Variants in FAM83B observed in about 807,000 individuals in gnomAD.
The protein encoded by FAM83B is protein FAM83B.
FAM83B carries 26 observed loss-of-function variants against 38.8 expected under a neutral mutation model. The observed-to-expected ratio is 0.67, with a 90% CI of 0.49 to 0.93. FAM83B has a LOEUF of 0.93. FAM83B is among the 40% of genes least tolerant of loss of function. The pLI is 0.00. For synonymous variants in FAM83B, 419 were observed against 423.1 expected, an observed-to-expected ratio of 0.99 and a Z score of 0.12; for missense variants, 1,237 against 1,197.3, an observed-to-expected ratio of 1.03 and a Z score of -0.49.
rs769555660 is a variant in FAM83B, at chr6:54,940,598, T to C, written c.1627T>C (p.Ser543Pro). ...ALYTHSRLRS[S>P]LVFKPTLPEQ... ...TTATACTCATTCTCGGCTTCGTTCC[T>C]CTTTAGTATTTAAACCCACTTTACC... The change falls in exon 5 of 5, where the codon TCT becomes CCT. Residue 543 changes from serine (S) to proline (P), a missense_variant. By Grantham distance (74) the Ser-to-Pro change is moderately conservative (BLOSUM62 -1). Coordinates refer to ENST00000306858, the MANE Select transcript of FAM83B (RefSeq NM_001010872.3). The C allele has an allele frequency of 5.6e-6, 9 of 1,613,984 alleles. No individual in the cohort carries two copies. Among genetic ancestry groups the C allele is most frequent in the Non-Finnish European group, 7.6e-6 (9 of 1,180,032 alleles).
intron 2 of FAM83B, among the ~76,000 whole-genome samples, chr6:54,919,640 C>G (rs1279561695): frequency 2.0e-5 from 3 of 151,884 alleles, no homozygotes; most frequent in Non-Finnish European, 4.4e-5. Flanking sequence ...AGTTTCAGGT[C>G]TTGTTTGTAT....
At chr6:54,931,876 T>TC (rs1197849912) in intron 4 of FAM83B, among the ~76,000 whole-genome samples, 1 of 152,038 alleles carries the variant, frequency 6.6e-6, no homozygotes, top group Non-Finnish European at 1.5e-5. Flanking sequence ...TGTTCTTTTT[T>TC]CCCTCTTTTA....
chr6:54,905,839 A>G (rs1209470251), intron 2 of FAM83B, among the ~76,000 whole-genome samples: 1 of 152,056 alleles, frequency 6.6e-6, no homozygotes, highest in East Asian at 1.9e-4. Flanking sequence ...TGCTTCCTTT[A>G]TATTATGAAT....
At chr6:54,921,079 G>A (rs888819825) in intron 2 of FAM83B, among the ~76,000 whole-genome samples, 1 of 151,750 alleles carries the variant, frequency 6.6e-6, no homozygotes, top group Non-Finnish European at 1.5e-5. Flanking sequence ...TTTTGCCTCT[G>A]TATCTTTGCA....
At chr6:54,861,214 A>G (rs1471170615) in intron 1 of FAM83B, among the ~76,000 whole-genome samples, 1 of 152,248 alleles carries the variant, frequency 6.6e-6, no homozygotes, top group East Asian at 1.9e-4. Flanking sequence ...TCCTAAGATG[A>G]GAGTTGAATA....
At chr6:54,893,451 A>G (rs1772449856) in intron 2 of FAM83B, among the ~76,000 whole-genome samples, 1 of 152,138 alleles carries the variant, frequency 6.6e-6, no homozygotes, top group South Asian at 2.1e-4. Flanking sequence ...ATAAAAGCTC[A>G]AAATATGAAC....
At chr6:54,907,863 T>C (rs1394467540) in intron 2 of FAM83B, among the ~76,000 whole-genome samples, 1 of 152,160 alleles carries the variant, frequency 6.6e-6, no homozygotes, top group African/African-American at 2.4e-5. Flanking sequence ...CCTAAGGTCA[T>C]AAGTATTATG....
At chr6:54,889,397 T>C (rs898373968) in intron 2 of FAM83B, among the ~76,000 whole-genome samples, 6 of 152,102 alleles carry the variant, frequency 3.9e-5, no homozygotes, top group Non-Finnish European at 8.8e-5. Flanking sequence ...AATGAAGTGT[T>C]GTCTATTTAA....
intron 2 of FAM83B, among the ~76,000 whole-genome samples, chr6:54,916,472 C>G (rs1182172138): frequency 6.6e-6 from 1 of 152,226 alleles, no homozygotes; most frequent in Non-Finnish European, 1.5e-5. Context: ...ATTGACTAAG[C>G]TTGGAACACG....
chr6:54,859,708 G>A (rs1771531562), intron 1 of FAM83B, among the ~76,000 whole-genome samples: 1 of 152,170 alleles, frequency 6.6e-6, no homozygotes, highest in South Asian at 2.1e-4. Context: ...CCCTAATTAA[G>A]TACATCTAGT....
At chr6:54,856,948 G>A (rs1023392133) in intron 1 of FAM83B, among the ~76,000 whole-genome samples, 5 of 152,020 alleles carry the variant, frequency 3.3e-5, no homozygotes, top group Admixed American at 6.6e-5. Flanking sequence ...TTTGGCATTC[G>A]AACTAAATAA....
intron 2 of FAM83B, among the ~76,000 whole-genome samples, chr6:54,924,816 G>T (rs535679129): frequency 6.6e-6 from 1 of 151,892 alleles, no homozygotes; most frequent in East Asian, 1.9e-4. Flanking sequence ...CCTACACACC[G>T]TCACCTCTCA....
At chr6:54,937,390 T>C (rs1773546222) in intron 4 of FAM83B, among the ~76,000 whole-genome samples, 1 of 152,102 alleles carries the variant, frequency 6.6e-6, no homozygotes, top group South Asian at 2.1e-4. Flanking sequence ...TATTTTATAT[T>C]AAAAGATCCT....
At chr6:54,847,712 G>C (rs1771174375) in intron 1 of FAM83B, among the ~76,000 whole-genome samples, 2 of 152,262 alleles carry the variant, frequency 1.3e-5, no homozygotes, top group African/African-American at 4.8e-5. Flanking sequence ...AGAGACAACA[G>C]CGCTTTCTTT....
intron 2 of FAM83B, among the ~76,000 whole-genome samples, chr6:54,884,746 C>G (rs1417149283): frequency 6.6e-6 from 1 of 151,416 alleles, no homozygotes; most frequent in Non-Finnish European, 1.5e-5. Context: ...TTACTGTAAG[C>G]CTCTCCATTT....
intron 2 of FAM83B, among the ~76,000 whole-genome samples, chr6:54,923,957 C>A (rs1341076522): frequency 1.3e-5 from 2 of 151,388 alleles, no homozygotes. Flanking sequence ...TCCACCTCAC[C>A]TCCCACCTTC....
intron 2 of FAM83B, among the ~76,000 whole-genome samples, chr6:54,922,041 C>T (rs1773184393): frequency 6.6e-6 from 1 of 152,026 alleles, no homozygotes; most frequent in African/African-American, 2.4e-5. Flanking sequence ...ATAAGCTTGT[C>T]AGAGATGTAT....
At chr6:54,927,727 G>GT (rs1491487967) in intron 4 of FAM83B, 95 bp downstream of exon 4, 1 of 33,706 alleles carries the variant, frequency 3.0e-5, no homozygotes. Flanking sequence ...TTTCTTAAAA[G>GT]TAAAAAAAAA....
At chr6:54,889,620 G>A (rs1772356827) in intron 2 of FAM83B, among the ~76,000 whole-genome samples, 2 of 152,074 alleles carry the variant, frequency 1.3e-5, no homozygotes, top group Admixed American at 1.3e-4. Context: ...TACAAAGCAA[G>A]TGCTGTGTAA....
Sources: allele counts gnomAD v4.1 joint callset (sites outside exome capture counted in the v4.1 genomes callset), GRCh38; gene constraint gnomAD v4.1.1; transcripts MANE v1.5; gene names NCBI Gene and HGNC (gene_info 2026-07-23, HGNC 2026-07-21).